ABLIM1: variants seen among roughly 807,000 people sequenced by gnomAD.
ABLIM1 encodes the protein actin-binding LIM protein 1.
In ABLIM1, 40 loss-of-function variants were observed where a neutral mutation model predicts 107.0. The ratio of observed to expected loss-of-function variants is 0.37; its 90% confidence interval spans 0.29 to 0.49. ABLIM1 has a LOEUF of 0.49. Ranked by LOEUF, ABLIM1 falls within the 20% of genes least tolerant of loss-of-function variation. The pLI is 0.97. For missense variants in ABLIM1, 857 were observed against 1,008.5 expected, an observed-to-expected ratio of 0.85 and a Z score of 2.04; for synonymous variants, 357 against 357.3, an observed-to-expected ratio of 1.00 and a Z score of 0.01.
At chr10:114,737,342 G>T (rs897793438) in intron 1 of ABLIM1, among the ~76,000 whole-genome samples, 2 of 152,238 alleles carry the variant, frequency 1.3e-5, no homozygotes, top group African/African-American at 2.4e-5. Flanking sequence ...AACAAACAAA[G>T]AATTTTGGAG....
intron 1 of ABLIM1, among the ~76,000 whole-genome samples, chr10:114,628,494 A>T (rs1267734033): frequency 6.6e-6 from 1 of 152,230 alleles, no homozygotes; most frequent in South Asian, 2.1e-4. Context: ...GTGCGTCCCT[A>T]CACACATGAA....
Position 114,621,435 on chromosome 10 carries a change from T to C in ABLIM1, c.245-19474A>G, listed in dbSNP as rs139675480. Among the ~76,000 whole-genome samples, 613 of 152,314 alleles carry C rather than the reference T, an allele frequency of 4.0e-3. 3 individuals are homozygous for C. Among genetic ancestry groups the C allele is most frequent in the African/African-American group, 0.014 (582 of 41,570 alleles). On this transcript the variant is annotated intron_variant, in intron 1 of 22. Coordinates refer to ENST00000533213, the MANE Select transcript of ABLIM1 (RefSeq NM_002313.7). ...TAAGAATAACCATCTCCCCGACCCA[T>C]ACACCTCATTCATTCACTTATTAGT... is the stretch of plus-strand genomic sequence containing the variant.
intron 13 of ABLIM1, among the ~76,000 whole-genome samples, chr10:114,451,983 G>A (rs550832331): frequency 6.6e-6 from 1 of 152,208 alleles, no homozygotes; most frequent in African/African-American, 2.4e-5. Context: ...CGCAAGCAGT[G>A]GAGGTACTCT....
chr10:114,735,565 G>A (rs2082162375), intron 1 of ABLIM1, among the ~76,000 whole-genome samples: 1 of 152,148 alleles, frequency 6.6e-6, no homozygotes, highest in African/African-American at 2.4e-5. Context: ...TGCCTCCCAG[G>A]TTCAAGCGAT....
At chr10:114,539,604 C>T (rs1392470272) in intron 6 of ABLIM1, among the ~76,000 whole-genome samples, 1 of 152,176 alleles carries the variant, frequency 6.6e-6, no homozygotes, top group Non-Finnish European at 1.5e-5. Flanking sequence ...ATTACACCCA[C>T]CATGAGCTGC....
chr10:114,559,008 A>G (rs907699398), intron 4 of ABLIM1, among the ~76,000 whole-genome samples: 1 of 151,712 alleles, frequency 6.6e-6, no homozygotes, highest in African/African-American at 2.4e-5. Context: ...CACCCTAATA[A>G]ATATATTCTT....
At position 114,435,534 on chromosome 10, in the gene ABLIM1, G is replaced by C. The variant is rs2059288532; in HGVS notation, c.*726C>G. On this transcript the variant is annotated 3_prime_UTR_variant, in exon 23 of 23. Transcript: ENST00000533213. ...CCAGACCTGCTATGGGAAGCAGAAA[G>C]AGTTAAGGGAAGGTTTCCTTTCATT... 6.6e-6 allele frequency: 1 copy of C among 152,230 alleles called. No homozygotes were observed. 9.4% of individuals were successfully genotyped at this position (152,230 alleles called of 1,614,324 possible). A position where few individuals can be genotyped will look rare whatever the true frequency, so the allele number is the denominator to read the frequency against.
chr10:114,737,060 G>C (rs1257965303), intron 1 of ABLIM1, among the ~76,000 whole-genome samples: 2 of 151,404 alleles, frequency 1.3e-5, no homozygotes, highest in African/African-American at 4.9e-5. Context: ...GTAATAGCAT[G>C]TGCCTGTAAC....
upstream of ABLIM1, chr10:114,768,198 C>T (rs2082953303): frequency 1.2e-5 from 2 of 173,762 alleles, no homozygotes; most frequent in Non-Finnish European, 2.4e-5. Context: ...GGGACGCCGC[C>T]CGCAGGACAC....
intron 1 of ABLIM1, among the ~76,000 whole-genome samples, chr10:114,693,515 C>T (rs1013169706): frequency 2.0e-5 from 3 of 152,250 alleles, no homozygotes; most frequent in African/African-American, 7.2e-5. Flanking sequence ...GTGTCCCTGT[C>T]ATCCATCATA....
At chr10:114,735,494 G>A (rs1206948044) in intron 1 of ABLIM1, among the ~76,000 whole-genome samples, 2 of 152,112 alleles carry the variant, frequency 1.3e-5, no homozygotes, top group Admixed American at 6.5e-5. Context: ...GTTTTGAGAC[G>A]GAGTCTCGCT....
At chr10:114,595,085 C>T (rs1361668157) in intron 2 of ABLIM1, 1 of 150,820 alleles carries the variant, frequency 6.6e-6, no homozygotes, top group African/African-American at 2.4e-5. Context: ...TCTTGATTCT[C>T]TGGGCAGTCT....
intron 1 of ABLIM1, among the ~76,000 whole-genome samples, chr10:114,709,522 ATATT>A (rs1426720886): frequency 3.3e-5 from 5 of 152,216 alleles, no homozygotes; most frequent in Non-Finnish European, 5.9e-5. Context: ...CAAAATTCCT[ATATT>A]TATTGATCTA....
rs1005321460 is a variant in ABLIM1, at chr10:114,590,700, G to A, written c.379+11127C>T. ...GGAAGGAAAGTGAGATCCACCCTTT[G>A]CCTTGCCCAGGCTTTTCATGGCAGA... On this transcript the variant is annotated intron_variant, in intron 2 of 22. Coordinates refer to ENST00000533213, the MANE Select transcript of ABLIM1 (RefSeq NM_002313.7). Among the ~76,000 whole-genome samples, 3 of 152,272 alleles carry A rather than the reference G, an allele frequency of 2.0e-5. No individual in the cohort carries two copies. In the South Asian group the frequency reaches 6.2e-4, roughly 32 times the overall value.
At chr10:114,780,615 G>A in the ABLIM1 span, among the ~76,000 whole-genome samples, 3 of 152,068 alleles carry the variant, frequency 2.0e-5, no homozygotes, top group African/African-American at 4.8e-5. Context: ...AAACACCTTG[G>A]TTTTGGTTTG....
chr10:114,494,412 T>C (rs909368118), intron 6 of ABLIM1, among the ~76,000 whole-genome samples: 5 of 152,206 alleles, frequency 3.3e-5, no homozygotes, highest in Non-Finnish European at 7.3e-5. Flanking sequence ...GGCTTACGCC[T>C]GTAGTCACAG....
chr10:114,458,194 G>A (rs533214368), intron 12 of ABLIM1, among the ~76,000 whole-genome samples: 30 of 151,902 alleles, frequency 2.0e-4, no homozygotes, highest in African/African-American at 7.0e-4. Context: ...CTCAGATTGG[G>A]CTACCCTAAG....
chr10:114,520,409 C>T (rs1416924369), intron 6 of ABLIM1, among the ~76,000 whole-genome samples: 1 of 151,912 alleles, frequency 6.6e-6, no homozygotes, highest in Non-Finnish European at 1.5e-5. Flanking sequence ...TTTTCCTAGT[C>T]TTTTCTGCTT....
the ABLIM1 span, among the ~76,000 whole-genome samples, chr10:114,800,050 ACAGGTGTGAGT>A: frequency 6.6e-6 from 1 of 152,244 alleles, no homozygotes; most frequent in Non-Finnish European, 1.5e-5. Context: ...TGCTGAGATT[ACAGGTGTGAGT>A]CACCGCAGCC....
Sources: gnomAD v4.1 joint callset for allele counts (sites outside exome capture counted in the v4.1 genomes callset) on GRCh38, gnomAD v4.1.1 for gene constraint, MANE v1.5 for transcripts, NCBI Gene and HGNC (gene_info 2026-07-23, HGNC 2026-07-21) for gene names.